The following THADA variants were observed in gnomAD, a reference collection of about 807,000 sequenced individuals.
THADA encodes THADA armadillo repeat containing, also known as tRNA (32-2'-O)-methyltransferase regulator THADA.
Under a neutral mutation model 219.8 loss-of-function variants are expected in THADA, and 213 were observed. That is an observed-to-expected ratio of 0.97 (90% CI 0.87 to 1.09). THADA has a LOEUF of 1.09. Among genes scored for constraint, THADA ranks in the 50% least tolerant of loss-of-function variants. The pLI is 0.00. For missense variants in THADA, 2,956 were observed against 2,311.3 expected (o/e 1.28, Z -5.72); for synonymous variants, 1,018 against 828.9 (o/e 1.23, Z -3.92).
chr2:43,519,670 GAGA>G (rs1384824924), intron 22 of THADA, among the ~76,000 whole-genome samples: 6 of 152,200 alleles, frequency 3.9e-5, no homozygotes, highest in African/African-American at 1.4e-4. Context: ...AATGGTCAAA[GAGA>G]GCTCAGTCAA....
At position 43,581,728 on chromosome 2, in the gene THADA, T is replaced by A; in HGVS notation, c.721+13A>T. Reference sequence around the variant, plus strand: ...CAATTATATATCATTTGTATATAATTTGTTACACTTACCATCGCTTAAAAC... The same window carrying A: ...CAATTATATATCATTTGTATATAATATGTTACACTTACCATCGCTTAAAAC... On this transcript the variant is annotated intron_variant, in intron 8 of 37. Coordinates refer to ENST00000405975, the MANE Select transcript of THADA (RefSeq NM_022065.5). The A allele has an allele frequency of 6.2e-7, 1 of 1,602,286 alleles. No individual in the cohort carries two copies. Among genetic ancestry groups the A allele is most frequent in the East Asian group, 2.2e-5 (1 of 44,764 alleles).
At chr2:43,416,706 G>A (rs539466530) in intron 28 of THADA, among the ~76,000 whole-genome samples, 2 of 151,996 alleles carry the variant, frequency 1.3e-5, no homozygotes, top group African/African-American at 4.8e-5. Flanking sequence ...GGTAACCTTT[G>A]GATAATTATG....
chr2:43,447,752 T>C (rs1681763248), intron 26 of THADA, among the ~76,000 whole-genome samples: 1 of 152,176 alleles, frequency 6.6e-6, no homozygotes, highest in Admixed American at 6.5e-5. Flanking sequence ...TAGTTTTACC[T>C]AGTAGCTGCT....
At chr2:43,417,468 C>G (rs1472626368) in intron 28 of THADA, among the ~76,000 whole-genome samples, 8 of 152,078 alleles carry the variant, frequency 5.3e-5, no homozygotes, top group Non-Finnish European at 1.2e-4. Context: ...TTCAGTTGAG[C>G]CAGTTTTATT....
chr2:43,595,423 C>T (rs938831854), intron 1 of THADA, among the ~76,000 whole-genome samples: 1 of 152,176 alleles, frequency 6.6e-6, no homozygotes, highest in Non-Finnish European at 1.5e-5. Context: ...ACTGGGAAAC[C>T]TAACTAGGGA....
intron 28 of THADA, among the ~76,000 whole-genome samples, chr2:43,401,681 A>G (rs1674862655): frequency 1.3e-5 from 2 of 152,188 alleles, no homozygotes; most frequent in Admixed American, 1.3e-4. Context: ...ACTATGCAAC[A>G]TTCCTGTAGA....
rs149356287 is a variant in THADA at position 43,549,655 on chromosome 2, G to GT, written c.2948-288dup. Among the ~76,000 whole-genome samples the GT allele has an allele frequency of 4.4e-3, 671 of 152,228 alleles. 2 individuals carry two copies. The highest frequency in any genetic ancestry group is 0.015 in the African/African-American group (641 of 41,534). On this transcript the variant is annotated intron_variant, in intron 19 of 37. Transcript: ENST00000405975. ...TGTCATCTACACTGCTTTTCTTAGTGTTGTCTAAATATCTCAAATATGGTG... is the reference window on the plus strand; with the variant it reads ...TGTCATCTACACTGCTTTTCTTAGTGTTTGTCTAAATATCTCAAATATGGTG...
chr2:43,236,453 A>G (rs1668042034), intron 36 of THADA, among the ~76,000 whole-genome samples: 1 of 152,206 alleles, frequency 6.6e-6, no homozygotes, highest in African/African-American at 2.4e-5. Context: ...AGGCTGGAGT[A>G]GGGAGAGGAA....
intron 29 of THADA, among the ~76,000 whole-genome samples, chr2:43,389,898 A>C (rs1350632253): frequency 6.6e-6 from 1 of 152,126 alleles, no homozygotes; most frequent in Non-Finnish European, 1.5e-5. Flanking sequence ...ATTTCTGTGT[A>C]ATTGTCTGCA....
In THADA at chr2:43,574,429, T is replaced by C. The variant is rs373776485; in HGVS notation, c.1636A>G (p.Ile546Val). Residue 546 changes from isoleucine (I) to valine (V), a missense_variant, in exon 11 of 38, where the codon ATT becomes GTT. Transcript: ENST00000405975. ...AATAATTTTGGCAAGTAATAATCAA[T>C]CACGTAAGATTTTTGATCCAAGTTT... Reference protein sequence around the residue: ...EGNLDQKSYVIDYYLPKLLSY... With the variant: ...EGNLDQKSYVVDYYLPKLLSY... The C allele has an allele frequency of 7.8e-5, 125 of 1,611,650 alleles. No individual in the cohort carries two copies. The highest frequency in any genetic ancestry group is 1.0e-4 in the Non-Finnish European group (120 of 1,178,742).
At chr2:43,456,517 T>C (rs1309221605) in intron 26 of THADA, among the ~76,000 whole-genome samples, 3 of 152,116 alleles carry the variant, frequency 2.0e-5, no homozygotes, top group African/African-American at 7.2e-5. Context: ...CCTTGGGTGA[T>C]TCATTCAACC....
chr2:43,268,112 C>T (rs983426879), intron 36 of THADA, among the ~76,000 whole-genome samples: 8 of 152,202 alleles, frequency 5.3e-5, no homozygotes, highest in African/African-American at 1.4e-4. Flanking sequence ...TCTGCCTCTG[C>T]TCCTGTAGAT....
intron 26 of THADA, among the ~76,000 whole-genome samples, chr2:43,454,987 T>C (rs1343338499): frequency 6.6e-6 from 1 of 152,100 alleles, no homozygotes; most frequent in Non-Finnish European, 1.5e-5. Flanking sequence ...GGGTGAATCA[T>C]TTTTCATTCA....
chr2:43,569,032 T>C (rs1699002283), intron 14 of THADA, among the ~76,000 whole-genome samples: 1 of 152,166 alleles, frequency 6.6e-6, no homozygotes, highest in Non-Finnish European at 1.5e-5. Context: ...AGTGCAGTGC[T>C]ACAATTAAGG....
chr2:43,437,560 T>TA (rs1680275730), intron 26 of THADA, among the ~76,000 whole-genome samples: 1 of 152,156 alleles, frequency 6.6e-6, no homozygotes, highest in Admixed American at 6.5e-5. Context: ...ACTCATCACT[T>TA]AGATTAATCG....
In THADA at chr2:43,556,333, A is replaced by G. The variant is rs1165943818; in HGVS notation, c.2674+12T>C. Reference sequence around the variant, plus strand: ...GCTATTCGTTTTGATAAGAGCAAACATCAATACAAACCCATTAATGTGTTC... The same window carrying G: ...GCTATTCGTTTTGATAAGAGCAAACGTCAATACAAACCCATTAATGTGTTC... On this transcript the variant is annotated intron_variant, in intron 17 of 37. Transcript: ENST00000405975. 4 of 1,613,206 alleles carry G rather than the reference A, an allele frequency of 2.5e-6. No homozygotes were observed. Among genetic ancestry groups the G allele is most frequent in the African/African-American group, 2.7e-5 (2 of 74,918 alleles).
At chr2:43,450,633 A>G (rs1251690589) in intron 26 of THADA, among the ~76,000 whole-genome samples, 1 of 152,224 alleles carries the variant, frequency 6.6e-6, no homozygotes, top group Non-Finnish European at 1.5e-5. Flanking sequence ...TCTCATTAGT[A>G]ACTACTTTAA....
At chr2:43,280,423 G>C (rs530875474) in intron 35 of THADA, among the ~76,000 whole-genome samples, 1 of 152,088 alleles carries the variant, frequency 6.6e-6, no homozygotes, top group East Asian at 1.9e-4. Flanking sequence ...CACGAGGTCA[G>C]GAGATTGAGA....
chr2:43,418,132 T>C (rs1264152102), intron 28 of THADA, among the ~76,000 whole-genome samples: 2 of 152,158 alleles, frequency 1.3e-5, no homozygotes, highest in Admixed American at 1.3e-4. Flanking sequence ...TTGTTTTCAA[T>C]AAATATCTGT....
Sources: allele counts gnomAD v4.1 joint callset (sites outside exome capture counted in the v4.1 genomes callset), GRCh38; gene constraint gnomAD v4.1.1; transcripts MANE v1.5; gene names NCBI Gene and HGNC (gene_info 2026-07-23, HGNC 2026-07-21).